SACM1L: variants seen among roughly 807,000 people sequenced by gnomAD.
SACM1L encodes SAC1 like phosphatidylinositide phosphatase.
Under a neutral mutation model 89.5 loss-of-function variants are expected in SACM1L, and 32 were observed. That is an observed-to-expected ratio of 0.36 (90% CI 0.27 to 0.48). The LOEUF (loss-of-function observed/expected upper bound fraction) is 0.48, where lower values mean the gene tolerates loss of function less well. Among genes scored for constraint, SACM1L ranks in the 20% least tolerant of loss-of-function variants. SACM1L has a pLI of 0.99. For synonymous variants in SACM1L, 213 were observed against 232.8 expected (o/e 0.92, Z 0.77); for missense variants, 543 against 708.5 (o/e 0.77, Z 2.65).
intron 7 of SACM1L, among the ~76,000 whole-genome samples, chr3:45,719,216 C>G (rs1464066866): frequency 6.6e-6 from 1 of 151,950 alleles, no homozygotes; most frequent in Non-Finnish European, 1.5e-5. Context: ...ATACTTAATT[C>G]TTTAGAAAGT....
intron 19 of SACM1L, 54 bp downstream of exon 19, chr3:45,739,698 C>A: frequency 6.5e-7 from 1 of 1,534,924 alleles, no homozygotes; most frequent in Non-Finnish European, 9.0e-7. Context: ...CTTTCTTTTA[C>A]AACATCTTAA....
At chr3:45,716,965 C>T (rs895870894) in intron 7 of SACM1L, among the ~76,000 whole-genome samples, 5 of 152,150 alleles carry the variant, frequency 3.3e-5, no homozygotes, top group Admixed American at 1.3e-4. Flanking sequence ...CAGTCATATT[C>T]TCTGCTAGAT....
Position 45,719,512 on chromosome 3 carries a change from A to T in SACM1L, c.590A>T (p.His197Leu), listed in dbSNP as rs901733769. ...LPVLHGFITM[H>L]SCSINGKYFD... ...TAATGTGGTTAAGTTATTACCATGCATTCATGTTCTATTAATGGAAAATAC... is the reference window on the plus strand; with the variant it reads ...TAATGTGGTTAAGTTATTACCATGCTTTCATGTTCTATTAATGGAAAATAC... The change falls in exon 8 of 20, where the codon CAT becomes CTT. Residue 197 changes from histidine to leucine, a missense_variant. Around this residue, in one of 2 missense-constraint regions of SACM1L, gnomAD observed 370 missense variants for 527.6 expected, o/e 0.70. Coordinates refer to ENST00000389061, the MANE Select transcript of SACM1L (RefSeq NM_014016.5). 6.3e-6 allele frequency: 10 copies of T among 1,595,264 alleles called. No individual in the cohort carries two copies. The highest frequency in any genetic ancestry group is 8.6e-6 in the Non-Finnish European group (10 of 1,166,622).
At chr3:45,700,575 C>T (rs754905694) in intron 1 of SACM1L, among the ~76,000 whole-genome samples, 47 of 152,188 alleles carry the variant, frequency 3.1e-4, no homozygotes, top group Admixed American at 3.9e-4. Flanking sequence ...TTTAATAATG[C>T]CTGGAGTCCC....
chr3:45,739,966 A>G, intron 19 of SACM1L: 1 of 362,846 alleles, frequency 2.8e-6, no homozygotes, highest in Non-Finnish European at 5.1e-6. Context: ...AAAAAGAGAC[A>G]CAAGATACAG....
intron 11 of SACM1L, among the ~76,000 whole-genome samples, chr3:45,726,673 T>C (rs1450847799): frequency 6.6e-6 from 1 of 152,086 alleles, no homozygotes; most frequent in Non-Finnish European, 1.5e-5. Flanking sequence ...TTTTATTGAC[T>C]TTATTGTTTT....
intron 9 of SACM1L, 67 bp from the exon 10 acceptor site, chr3:45,722,802 A>G (rs1417613493): frequency 5.0e-5 from 59 of 1,188,420 alleles, no homozygotes; most frequent in Non-Finnish European, 7.1e-5. Flanking sequence ...TACACCCCTG[A>G]CAATAAGTAA....
intron 11 of SACM1L, among the ~76,000 whole-genome samples, chr3:45,727,461 C>T (rs923410505): frequency 3.3e-5 from 5 of 152,160 alleles, no homozygotes; most frequent in African/African-American, 1.2e-4. Flanking sequence ...TTCATGTGTA[C>T]TTGTAAAAAA....
intron 11 of SACM1L, among the ~76,000 whole-genome samples, chr3:45,725,754 C>A (rs1322834862): frequency 1.3e-5 from 2 of 151,522 alleles, no homozygotes; most frequent in South Asian, 2.1e-4. Flanking sequence ...ATTGTGAAAG[C>A]AAGCATCCTT....
chr3:45,744,865 ACTG>A lies in SACM1L; in HGVS notation c.*1201_*1203del, dbSNP rs1346657503. On this transcript the variant is annotated 3_prime_UTR_variant, in exon 20 of 20. Transcript: ENST00000389061. Reference sequence around the variant, plus strand: ...ACTATTTTAAATAATTCAGTTAAACACTGCTGCAATATTTCAGTGTTGTGCTTG... The same window carrying A: ...ACTATTTTAAATAATTCAGTTAAACACTGCAATATTTCAGTGTTGTGCTTG... 6.6e-6 allele frequency: 1 copy of A among 152,532 alleles called. No individual in the cohort carries two copies. The highest frequency in any genetic ancestry group is 1.5e-5 in the Non-Finnish European group (1 of 68,044). The allele number at this position is 152,532 out of a possible 1,614,324, so 9.4% of individuals were successfully genotyped here. A position where few individuals can be genotyped will look rare whatever the true frequency, so the allele number is the denominator to read the frequency against.
At chr3:45,739,891 A>G (rs1048739247) in intron 19 of SACM1L, 1 of 531,696 alleles carries the variant, frequency 1.9e-6, no homozygotes, top group Non-Finnish European at 3.4e-6. Flanking sequence ...TAAACCAATG[A>G]GTGTCTGAGA....
chr3:45,690,841 C>CA (rs1461218258), intron 1 of SACM1L, among the ~76,000 whole-genome samples: 1 of 152,198 alleles, frequency 6.6e-6, no homozygotes, highest in Non-Finnish European at 1.5e-5. Flanking sequence ...AGGCCACTGT[C>CA]ACATGTGCTC....
chr3:45,715,168 C>T (rs1698621649), intron 7 of SACM1L, among the ~76,000 whole-genome samples: 1 of 152,136 alleles, frequency 6.6e-6, no homozygotes. Context: ...CGATGCATTT[C>T]TCAGAATGTA....
intron 1 of SACM1L, among the ~76,000 whole-genome samples, chr3:45,691,023 T>G (rs2742421): frequency 0.48 from 73,368 of 152,034 alleles, 18,242 homozygotes; most frequent in Middle Eastern, 0.57. Flanking sequence ...GTTTTTCAGC[T>G]GCCAGAACAC....
intron 13 of SACM1L, among the ~76,000 whole-genome samples, chr3:45,733,525 C>T (rs1025546303): frequency 2.0e-5 from 3 of 152,128 alleles, no homozygotes; most frequent in Non-Finnish European, 2.9e-5. Context: ...CAACTCTAAA[C>T]GAACCTTACC....
chr3:45,721,640 G>A (rs1299104074), intron 8 of SACM1L, among the ~76,000 whole-genome samples: 1 of 151,938 alleles, frequency 6.6e-6, no homozygotes, highest in Admixed American at 6.6e-5. Context: ...TTCAAATTAG[G>A]ATCTATGGAC....
intron 14 of SACM1L, among the ~76,000 whole-genome samples, chr3:45,735,928 G>A (rs1308551804): frequency 6.6e-6 from 1 of 152,084 alleles, no homozygotes; most frequent in East Asian, 1.9e-4. Flanking sequence ...GTGCAGTGGT[G>A]CAGTCTCGGC....
intron 7 of SACM1L, among the ~76,000 whole-genome samples, chr3:45,719,083 T>C (rs1698730258): frequency 6.6e-6 from 1 of 152,086 alleles, no homozygotes; most frequent in African/African-American, 2.4e-5. Context: ...ATGCATTTCA[T>C]TTTTTTTCCC....
intron 11 of SACM1L, among the ~76,000 whole-genome samples, chr3:45,728,144 T>C (rs1698967204): frequency 6.6e-6 from 1 of 152,222 alleles, no homozygotes; most frequent in Non-Finnish European, 1.5e-5. Flanking sequence ...AAAATATCTT[T>C]TTTCATCCTT....
Sources: allele counts gnomAD v4.1 joint callset (sites outside exome capture counted in the v4.1 genomes callset), GRCh38; gene constraint gnomAD v4.1.1; regional missense constraint gnomAD v4.1.1; transcripts MANE v1.5; gene names NCBI Gene and HGNC (gene_info 2026-07-23, HGNC 2026-07-21).